Variants in PKIG observed in about 807,000 individuals in gnomAD.
PKIG encodes the protein protein kinase (cAMP-dependent, catalytic) inhibitor gamma.
PKIG carries 1 observed loss-of-function variant against 6.8 expected under a neutral mutation model. The observed-to-expected ratio is 0.15, with a 90% CI of 0.05 to 0.69. The LOEUF (loss-of-function observed/expected upper bound fraction) is 0.69, where lower values mean the gene tolerates loss of function less well. Among genes scored for constraint, PKIG ranks in the 30% least tolerant of loss-of-function variants. The probability of loss-of-function intolerance (pLI) is 0.82; values close to 1 mark genes in which losing one functional copy is unlikely to be tolerated. For synonymous variants in PKIG, 39 were observed against 43.0 expected (o/e 0.91, Z 0.36); for missense variants, 77 against 104.0 (o/e 0.74, Z 1.13).
chr20:44,548,354 G>A (rs1205890124), intron 1 of PKIG, among the ~76,000 whole-genome samples: 1 of 152,174 alleles, frequency 6.6e-6, no homozygotes, highest in Non-Finnish European at 1.5e-5. Flanking sequence ...AATTCCTTCT[G>A]TGTATTCTCA....
intron 1 of PKIG, among the ~76,000 whole-genome samples, chr20:44,551,928 G>A (rs1298355832): frequency 1.3e-5 from 2 of 152,176 alleles, no homozygotes; most frequent in Non-Finnish European, 2.9e-5. Flanking sequence ...AGGTTATACA[G>A]CAGATTTTTA....
intron 1 of PKIG, among the ~76,000 whole-genome samples, chr20:44,543,956 C>T (rs1219992565): frequency 1.3e-5 from 2 of 150,942 alleles, no homozygotes; most frequent in Non-Finnish European, 2.9e-5. Context: ...CCCAGCTACT[C>T]GGGAGGCTGA....
chr20:44,549,273 G>A (rs748893917), intron 1 of PKIG, among the ~76,000 whole-genome samples: 1 of 151,994 alleles, frequency 6.6e-6, no homozygotes, highest in African/African-American at 2.4e-5. Flanking sequence ...AAAAAAACAC[G>A]TACAAGATAC....
chr20:44,583,343 T>G (rs1450173240), intron 1 of PKIG, among the ~76,000 whole-genome samples: 3 of 152,234 alleles, frequency 2.0e-5, no homozygotes, highest in Non-Finnish European at 4.4e-5. Flanking sequence ...TTTAAAAATT[T>G]GCTGTTTATG....
chr20:44,608,361 A>T (rs959518499), intron 2 of PKIG, among the ~76,000 whole-genome samples: 1 of 152,246 alleles, frequency 6.6e-6, no homozygotes, highest in African/African-American at 2.4e-5. Context: ...AAATATTCAC[A>T]AACATCATTT....
At chr20:44,575,657 A>T (rs925683466) in intron 1 of PKIG, among the ~76,000 whole-genome samples, 1 of 152,164 alleles carries the variant, frequency 6.6e-6, no homozygotes, top group African/African-American at 2.4e-5. Context: ...CAGCAGTTAG[A>T]CTGAGGGCCC....
intron 2 of PKIG, among the ~76,000 whole-genome samples, chr20:44,605,305 G>T (rs770081729): frequency 1.4e-4 from 21 of 151,742 alleles, no homozygotes; most frequent in Admixed American, 3.3e-4. Flanking sequence ...TACTCAGGAG[G>T]CTGAGGCAGG....
At chr20:44,541,231 AT>A (rs1388674455) in intron 1 of PKIG, among the ~76,000 whole-genome samples, 2 of 152,160 alleles carry the variant, frequency 1.3e-5, no homozygotes, top group Non-Finnish European at 2.9e-5. Flanking sequence ...ACTTTGATTT[AT>A]TTTTTAAGTG....
intron 2 of PKIG, among the ~76,000 whole-genome samples, chr20:44,612,856 C>T (rs1238706674): frequency 6.6e-6 from 1 of 152,152 alleles, no homozygotes; most frequent in African/African-American, 2.4e-5. Flanking sequence ...TTCATAAAGT[C>T]CCAGTGCTGT....
chr20:44,553,021 G>A (rs554921412), intron 1 of PKIG, among the ~76,000 whole-genome samples: 1 of 152,172 alleles, frequency 6.6e-6, no homozygotes, highest in South Asian at 2.1e-4. Context: ...AGTGGGAGTC[G>A]GGTAATCCTA....
intron 1 of PKIG, among the ~76,000 whole-genome samples, chr20:44,555,175 C>T (rs1189216283): frequency 1.3e-5 from 2 of 152,142 alleles, no homozygotes; most frequent in South Asian, 4.1e-4. Flanking sequence ...ATAGAATTAT[C>T]GTCAGTATTA....
At chr20:44,539,094 A>C (rs1486063611) in intron 1 of PKIG, among the ~76,000 whole-genome samples, 1 of 151,686 alleles carries the variant, frequency 6.6e-6, no homozygotes, top group East Asian at 1.9e-4. Context: ...ATACCCCACT[A>C]ATTTTTGTAT....
In PKIG at chr20:44,587,427, C is replaced by T. The variant is rs1002084820; in HGVS notation, c.-93-2370C>T. Among the ~76,000 whole-genome samples the T allele has an allele frequency of 5.9e-5, 9 of 152,234 alleles. No homozygotes were observed. In the South Asian group the frequency reaches 6.2e-4, roughly 11 times the overall value. ...TCATTTCTGGCACCTTCCTATCCCC[C>T]GTGGCTTCAGAGGGGTGGAAAGAAC... On this transcript the variant is annotated intron_variant, in intron 1 of 3. Transcript: ENST00000372886.
At chr20:44,564,191 G>A (rs1280440362) in intron 1 of PKIG, 1 of 152,136 alleles carries the variant, frequency 6.6e-6, no homozygotes. Flanking sequence ...TCAGTCAGAT[G>A]GAGAGATTAA....
At chr20:44,586,685 T>A (rs2064992797) in intron 1 of PKIG, among the ~76,000 whole-genome samples, 1 of 152,134 alleles carries the variant, frequency 6.6e-6, no homozygotes, top group Non-Finnish European at 1.5e-5. Flanking sequence ...GAGACTGAGG[T>A]GGAAAATCTA....
At chr20:44,545,690 C>T (rs980380412) in intron 1 of PKIG, among the ~76,000 whole-genome samples, 8 of 151,990 alleles carry the variant, frequency 5.3e-5, no homozygotes, top group African/African-American at 1.9e-4. Context: ...TGGTGTGTCC[C>T]TGTAGTCCTA....
intron 2 of PKIG, among the ~76,000 whole-genome samples, chr20:44,593,990 A>G (rs1053241927): frequency 6.6e-6 from 1 of 152,204 alleles, no homozygotes; most frequent in East Asian, 1.9e-4. Flanking sequence ...TCTTGTGCCA[A>G]CGCTGGGCTA....
intron 1 of PKIG, among the ~76,000 whole-genome samples, chr20:44,565,954 G>A (rs1308799499): frequency 6.6e-6 from 1 of 152,166 alleles, no homozygotes; most frequent in Admixed American, 6.5e-5. Context: ...TAGAGATGGG[G>A]TTTCACCATG....
intron 1 of PKIG, among the ~76,000 whole-genome samples, chr20:44,572,386 A>G (rs2064861370): frequency 6.6e-6 from 1 of 152,254 alleles, no homozygotes. Flanking sequence ...TATAGAATAT[A>G]CATGTATTAT....
Sources: gnomAD v4.1 joint callset for allele counts (sites outside exome capture counted in the v4.1 genomes callset) on GRCh38, gnomAD v4.1.1 for gene constraint, MANE v1.5 for transcripts, NCBI Gene and HGNC (gene_info 2026-07-23, HGNC 2026-07-21) for gene names.